Variants in COA1 observed in about 807,000 individuals in gnomAD.
COA1 encodes the protein cytochrome c oxidase assembly factor 1.
COA1 carries 13 observed loss-of-function variants against 16.0 expected under a neutral mutation model. The ratio of observed to expected loss-of-function variants is 0.81; its 90% CI spans 0.53 to 1.29. COA1 has a LOEUF of 1.29. Ranked by LOEUF, COA1 falls within the 50% of genes most tolerant of loss-of-function variation. COA1 has a pLI of 0.00. For synonymous variants in COA1, 65 were observed against 65.7 expected, an observed-to-expected ratio of 0.99 and a Z score of 0.05; for missense variants, 179 against 177.0, an observed-to-expected ratio of 1.01 and a Z score of -0.06.
At chr7:43,719,436 T>C (rs778669994) in intron 1 of COA1, among the ~76,000 whole-genome samples, 6 of 152,176 alleles carry the variant, frequency 3.9e-5, no homozygotes, top group Non-Finnish European at 7.3e-5. Context: ...AAGGCTGTCA[T>C]ACAGAAAAAT....
chr7:43,659,478 T>C (rs914668749), intron 1 of COA1, among the ~76,000 whole-genome samples: 12 of 152,230 alleles, frequency 7.9e-5, no homozygotes, highest in African/African-American at 2.9e-4. Context: ...TATTCAGTAC[T>C]TTCTGGCATA....
downstream of COA1, among the ~76,000 whole-genome samples, chr7:43,637,863 T>C (rs757901104): frequency 6.6e-6 from 1 of 152,248 alleles, no homozygotes; most frequent in Non-Finnish European, 1.5e-5. Flanking sequence ...ACCTAAGCCC[T>C]GGTTTTCTAT....
chr7:43,649,048 G>T, intron 1 of COA1: 1 of 167,122 alleles, frequency 6.0e-6, no homozygotes, highest in Admixed American at 5.9e-5. Flanking sequence ...CAGCACTTCA[G>T]AGTTAAAAAG....
At chr7:43,723,782 C>T (rs2095556388) in intron 1 of COA1, among the ~76,000 whole-genome samples, 1 of 152,030 alleles carries the variant, frequency 6.6e-6, no homozygotes. Flanking sequence ...TAAAAATTAG[C>T]CCGGCGTGGT....
intron 1 of COA1, among the ~76,000 whole-genome samples, chr7:43,700,584 A>G (rs371876769): frequency 1.2e-5 from 1 of 86,648 alleles, no homozygotes; most frequent in African/African-American, 4.6e-5. Context: ...ATATACGTGT[A>G]TATATACGTG....
At chr7:43,686,335 C>CTCGTT (rs1438930609) in intron 1 of COA1, among the ~76,000 whole-genome samples, 1 of 130,682 alleles carries the variant, frequency 7.7e-6, no homozygotes, top group Non-Finnish European at 1.6e-5. Context: ...GAGACGGAGT[C>CTCGTT]TCGTTCTGTC....
At chr7:43,623,929 A>T in intron 6 of COA1, 1 of 1,297,178 alleles carries the variant, frequency 7.7e-7, no homozygotes, top group Non-Finnish European at 9.9e-7. Flanking sequence ...AACTAATTCA[A>T]TATTAAAAAA....
chr7:43,651,650 C>T (rs1453450389), intron 1 of COA1, among the ~76,000 whole-genome samples: 1 of 140,716 alleles, frequency 7.1e-6, no homozygotes, highest in Non-Finnish European at 1.5e-5. Context: ...GGTGGTGCAA[C>T]TTCAACCTGG....
intron 6 of COA1, chr7:43,624,506 G>T: frequency 6.3e-7 from 1 of 1,593,558 alleles, no homozygotes; most frequent in Non-Finnish European, 8.5e-7. Context: ...TGTAAAACAT[G>T]TATCTTTACA....
intron 1 of COA1, chr7:43,657,308 A>G (rs896175208): frequency 1.3e-5 from 2 of 152,266 alleles, no homozygotes; most frequent in Non-Finnish European, 2.9e-5. Context: ...TAGCAATTAC[A>G]TATCTTAAAT....
Position 43,639,275 on chromosome 7 carries a change from TATTA to T in COA1, c.*303_*306del, listed in dbSNP as rs2086480114. On this transcript the variant is annotated 3_prime_UTR_variant, in exon 6 of 6. Transcript: ENST00000223336. ...AACTAGCAAAGATCAACAAACATTT[TATTA>T]ATTCTGATTCCTTTTATCATGTGCT... The T allele has an allele frequency of 1.6e-5, 3 of 191,876 alleles. No homozygotes were observed. The highest frequency in any genetic ancestry group is 3.2e-5 in the Non-Finnish European group (3 of 93,108). The allele number at this position is 191,876 out of a possible 1,614,324, so 11.9% of individuals were successfully genotyped here.
At chr7:43,683,590 C>T (rs1000238960) in intron 1 of COA1, among the ~76,000 whole-genome samples, 3 of 151,890 alleles carry the variant, frequency 2.0e-5, no homozygotes, top group Non-Finnish European at 2.9e-5. Context: ...GTCAAGATTG[C>T]GCCACTGCAC....
intron 1 of COA1, among the ~76,000 whole-genome samples, chr7:43,693,569 C>T (rs2094440843): frequency 1.3e-5 from 2 of 152,020 alleles, no homozygotes; most frequent in South Asian, 4.2e-4. Context: ...TTCAATTCCC[C>T]TCCTCAAATA....
chr7:43,651,109 G>C (rs1179433294), intron 1 of COA1, among the ~76,000 whole-genome samples: 2 of 152,228 alleles, frequency 1.3e-5, no homozygotes, highest in Non-Finnish European at 2.9e-5. Flanking sequence ...TAGAGGAATA[G>C]ATGGAGTTTA....
chr7:43,640,555 G>T lies in COA1; in HGVS notation c.341+18C>A. 1 of 1,585,238 alleles carries T rather than the reference G, an allele frequency of 6.3e-7. No individual in the cohort carries two copies. The highest frequency in any genetic ancestry group is 1.4e-5 in the African/African-American group (1 of 73,722). ...GTCTTCCTCCCGCTCCCCCACTGCC[G>T]TCACCTTCCCAGGATACCTCTGAAA... On this transcript the variant is annotated intron_variant, in intron 5 of 5. Coordinates refer to ENST00000223336, the MANE Select transcript of COA1 (RefSeq NM_018224.4).
chr7:43,644,136 C>T (rs767321259), intron 4 of COA1, among the ~76,000 whole-genome samples: 21 of 152,112 alleles, frequency 1.4e-4, no homozygotes, highest in Admixed American at 2.0e-4. Flanking sequence ...GCTCCTCAGC[C>T]GGGTGTTCCT....
intron 3 of COA1, chr7:43,647,169 C>T (rs920144404): frequency 2.8e-5 from 8 of 287,660 alleles, no homozygotes; most frequent in South Asian, 1.7e-4. Context: ...CAATGCTGGA[C>T]GCACAGCCAC....
chr7:43,643,833 G>A (rs188735829), intron 4 of COA1, among the ~76,000 whole-genome samples: 1 of 152,258 alleles, frequency 6.6e-6, no homozygotes, highest in Admixed American at 6.5e-5. Context: ...ATTTTAATCA[G>A]AATACCAGAG....
intron 1 of COA1, among the ~76,000 whole-genome samples, chr7:43,718,087 C>G (rs2095430934): frequency 6.6e-6 from 1 of 152,198 alleles, no homozygotes; most frequent in Non-Finnish European, 1.5e-5. Context: ...TACTACCATA[C>G]AGAATAATAT....
Sources: gnomAD v4.1 joint callset for allele counts (sites outside exome capture counted in the v4.1 genomes callset) on GRCh38, gnomAD v4.1.1 for gene constraint, MANE v1.5 for transcripts, NCBI Gene and HGNC (gene_info 2026-07-23, HGNC 2026-07-21) for gene names.